COMMD10: variants seen among roughly 807,000 people sequenced by gnomAD.
COMMD10 encodes COMM domain-containing protein 10.
Under a neutral mutation model 28.9 loss-of-function variants are expected in COMMD10, and 33 were observed. The ratio of observed to expected loss-of-function variants is 1.14; its 90% CI spans 0.87 to 1.53. The LOEUF (loss-of-function observed/expected upper bound fraction) is 1.53, where lower values mean the gene tolerates loss of function less well. COMMD10 is among the 40% of genes most tolerant of loss of function. The pLI, the probability that COMMD10 is intolerant of heterozygous loss-of-function variation, is 0.00. For missense variants in COMMD10, 310 were observed against 233.4 expected (o/e 1.33, Z -2.14); for synonymous variants, 110 against 81.7 (o/e 1.35, Z -1.87).
chr5:116,256,190 A>T (rs1421578350), intron 5 of COMMD10, among the ~76,000 whole-genome samples: 1 of 151,734 alleles, frequency 6.6e-6, no homozygotes, highest in East Asian at 1.9e-4. Context: ...AAAAGAATCT[A>T]CAGTATAATG....
chr5:116,192,805 A>G (rs991986077), intron 5 of COMMD10, among the ~76,000 whole-genome samples: 2 of 152,196 alleles, frequency 1.3e-5, no homozygotes, highest in African/African-American at 4.8e-5. Flanking sequence ...AAATACAAGA[A>G]GCACAGAGAA....
intron 5 of COMMD10, among the ~76,000 whole-genome samples, chr5:116,281,553 A>G (rs1185409087): frequency 6.6e-6 from 1 of 151,700 alleles, no homozygotes; most frequent in Admixed American, 6.6e-5. Flanking sequence ...ATCAGCATAG[A>G]CAATATAAGT....
At chr5:116,095,881 T>C (rs1580440217) in intron 4 of COMMD10, among the ~76,000 whole-genome samples, 1 of 152,122 alleles carries the variant, frequency 6.6e-6, no homozygotes, top group African/African-American at 2.4e-5. Flanking sequence ...AAATTATCAT[T>C]TTGTCATTGA....
intron 5 of COMMD10, among the ~76,000 whole-genome samples, chr5:116,266,232 C>G (rs1750581441): frequency 2.6e-5 from 4 of 151,624 alleles, no homozygotes; most frequent in Admixed American, 6.6e-5. Flanking sequence ...ATATTTATAC[C>G]TATGCAGACC....
At chr5:116,112,802 T>C (rs1561607357) in intron 4 of COMMD10, among the ~76,000 whole-genome samples, 1 of 152,222 alleles carries the variant, frequency 6.6e-6, no homozygotes, top group Non-Finnish European at 1.5e-5. Context: ...TCATATTGTT[T>C]TTTTCATCAT....
chr5:116,258,414 A>G (rs1031616243), intron 5 of COMMD10, among the ~76,000 whole-genome samples: 5 of 151,310 alleles, frequency 3.3e-5, no homozygotes, highest in African/African-American at 4.9e-5. Flanking sequence ...GGACACTACT[A>G]TTGGACACCA....
chr5:116,269,059 C>T (rs1561401333), intron 5 of COMMD10, among the ~76,000 whole-genome samples: 1 of 151,514 alleles, frequency 6.6e-6, no homozygotes, highest in African/African-American at 2.4e-5. Flanking sequence ...AACAAACCTG[C>T]ATGTTGTGCA....
intron 3 of COMMD10, 97 bp from the exon 4 acceptor site, chr5:116,092,448 G>T: frequency 1.2e-6 from 1 of 844,936 alleles, no homozygotes; most frequent in African/African-American, 1.7e-5. Context: ...GTTTTCTTTT[G>T]ACTTAAGTCA....
intron 5 of COMMD10, among the ~76,000 whole-genome samples, chr5:116,249,728 T>G (rs528898194): frequency 6.6e-6 from 1 of 151,488 alleles, no homozygotes; most frequent in South Asian, 2.1e-4. Context: ...AATTAAAATC[T>G]TAAAAATAGA....
chr5:116,195,132 T>G (rs2112616837), intron 5 of COMMD10, among the ~76,000 whole-genome samples: 1 of 152,120 alleles, frequency 6.6e-6, no homozygotes, highest in African/African-American at 2.4e-5. Context: ...TGATTAAAAC[T>G]CTCAACAAAA....
chr5:116,272,215 G>A (rs113332966), intron 5 of COMMD10, among the ~76,000 whole-genome samples: 3,280 of 151,756 alleles, frequency 0.022, 56 homozygotes, highest in Middle Eastern at 0.041. Flanking sequence ...CAGTCTTTTT[G>A]TACCTTACTA....
At chr5:116,088,733 T>A (rs1263475139) in intron 2 of COMMD10, among the ~76,000 whole-genome samples, 1 of 152,244 alleles carries the variant, frequency 6.6e-6, no homozygotes, top group Non-Finnish European at 1.5e-5. Flanking sequence ...AACTTGTTCA[T>A]CCTTCAAGGA....
At chr5:116,222,935 C>T (rs1023083626) in intron 5 of COMMD10, among the ~76,000 whole-genome samples, 2 of 152,136 alleles carry the variant, frequency 1.3e-5, no homozygotes, top group African/African-American at 2.4e-5. Context: ...TTGTGATCCA[C>T]CCACCTCAGC....
At chr5:116,120,825 T>G (rs902429526) in intron 4 of COMMD10, among the ~76,000 whole-genome samples, 1 of 152,070 alleles carries the variant, frequency 6.6e-6, no homozygotes, top group Non-Finnish European at 1.5e-5. Context: ...CACCTGTTTG[T>G]GGATATCTGG....
Position 116,184,922 on chromosome 5 carries a change from T to C in COMMD10, c.510+50744T>C, listed in dbSNP as rs139863881. Among the ~76,000 whole-genome samples the C allele has an allele frequency of 5.3e-5, 8 of 152,230 alleles. No homozygotes were observed. In the South Asian group the frequency reaches 8.3e-4, roughly 16 times the overall value. On this transcript the variant is annotated intron_variant, in intron 5 of 6. Transcript: ENST00000274458. The stretch of plus-strand genomic sequence containing the variant: ...CCTTCACTTATTAACTTTGTGACTT[T>C]AGGCAAGTTACTTGACTCCTCTGGG...
chr5:116,093,548 C>T (rs936845462), intron 4 of COMMD10, among the ~76,000 whole-genome samples: 1 of 152,154 alleles, frequency 6.6e-6, no homozygotes, highest in Admixed American at 6.5e-5. Context: ...AGGGAGCTCC[C>T]TGAAGTTCAT....
chr5:116,202,083 G>A (rs1026871671), intron 5 of COMMD10, among the ~76,000 whole-genome samples: 1 of 131,986 alleles, frequency 7.6e-6, no homozygotes, highest in Non-Finnish European at 1.5e-5. Flanking sequence ...TCCCCTTCCT[G>A]TGTCCATGTG....
At chr5:116,243,682 C>G (rs1379783075) in intron 5 of COMMD10, among the ~76,000 whole-genome samples, 1 of 152,134 alleles carries the variant, frequency 6.6e-6, no homozygotes, top group Non-Finnish European at 1.5e-5. Context: ...GATTCTATCT[C>G]AAGTCAAAAA....
At chr5:116,154,499 C>T (rs1752641993) in intron 5 of COMMD10, among the ~76,000 whole-genome samples, 1 of 152,064 alleles carries the variant, frequency 6.6e-6, no homozygotes, top group South Asian at 2.1e-4. Context: ...GAGTGCTGTT[C>T]ACCTGGGTTC....
Sources: allele counts gnomAD v4.1 joint callset (sites outside exome capture counted in the v4.1 genomes callset), GRCh38; gene constraint gnomAD v4.1.1; transcripts MANE v1.5; gene names NCBI Gene and HGNC (gene_info 2026-07-23, HGNC 2026-07-21).